The following MYO1E variants were observed in gnomAD, a reference collection of about 807,000 sequenced individuals.
MYO1E encodes the protein myosin IE, also known as unconventional myosin-Ie.
A neutral mutation model predicts 151.1 loss-of-function variants in MYO1E; 68 were observed. The ratio of observed to expected loss-of-function variants is 0.45; its 90% CI spans 0.37 to 0.55. The LOEUF is 0.55. MYO1E is among the 20% of genes least tolerant of loss of function. The pLI is 0.00. For synonymous variants in MYO1E, 601 were observed against 501.7 expected (o/e 1.20, Z -2.64); for missense variants, 1,363 against 1,389.3 (o/e 0.98, Z 0.30).
intron 22 of MYO1E, among the ~76,000 whole-genome samples, chr15:59,168,689 T>C (rs2079575302): frequency 6.6e-6 from 1 of 151,818 alleles, no homozygotes; most frequent in African/African-American, 2.4e-5. Flanking sequence ...GGTATGATCA[T>C]GACTCATTGC....
chr15:59,314,235 T>C (rs1440021965), intron 1 of MYO1E, among the ~76,000 whole-genome samples: 1 of 152,158 alleles, frequency 6.6e-6, no homozygotes, highest in African/African-American at 2.4e-5. Context: ...AGTTTCCCCA[T>C]CCCCTGAATA....
intron 13 of MYO1E, among the ~76,000 whole-genome samples, chr15:59,209,410 G>T (rs2079862391): frequency 6.6e-6 from 1 of 151,596 alleles, no homozygotes; most frequent in Admixed American, 6.6e-5. Context: ...GGGCATGGTG[G>T]CTCATGCCTG....
At chr15:59,250,308 G>C (rs1410780189) in intron 4 of MYO1E, among the ~76,000 whole-genome samples, 1 of 152,130 alleles carries the variant, frequency 6.6e-6, no homozygotes, top group South Asian at 2.1e-4. Context: ...ACAAGCCTTC[G>C]AGAGCAGCTG....
intron 1 of MYO1E, among the ~76,000 whole-genome samples, chr15:59,276,454 C>G (rs148735667): frequency 6.6e-6 from 1 of 152,042 alleles, no homozygotes; most frequent in Non-Finnish European, 1.5e-5. Flanking sequence ...ACGACATGAA[C>G]GTAATAATAA....
intron 1 of MYO1E, among the ~76,000 whole-genome samples, chr15:59,277,123 G>T (rs763975997): frequency 6.6e-6 from 1 of 152,174 alleles, no homozygotes; most frequent in Admixed American, 6.5e-5. Context: ...GTGGGGAGGA[G>T]GTGACCATCA....
intron 1 of MYO1E, among the ~76,000 whole-genome samples, chr15:59,305,854 C>G (rs868178495): frequency 6.6e-6 from 1 of 152,088 alleles, no homozygotes; most frequent in Middle Eastern, 3.2e-3. Context: ...CTAGGACATT[C>G]AAAATTAGGA....
chr15:59,303,565 A>T (rs184124505), intron 1 of MYO1E, among the ~76,000 whole-genome samples: 67 of 152,262 alleles, frequency 4.4e-4, no homozygotes, highest in South Asian at 1.2e-3. Flanking sequence ...GGAAGAAATT[A>T]AAAAAGATAA....
intron 1 of MYO1E, among the ~76,000 whole-genome samples, chr15:59,347,621 G>A (rs1371450827): frequency 6.6e-6 from 1 of 152,090 alleles, no homozygotes; most frequent in Non-Finnish European, 1.5e-5. Context: ...TGTGGTACTA[G>A]CAACTGGTTT....
At chr15:59,239,194 G>C (rs1566989119) in intron 4 of MYO1E, among the ~76,000 whole-genome samples, 2 of 147,902 alleles carry the variant, frequency 1.4e-5, no homozygotes, top group Admixed American at 6.8e-5. Context: ...CAACAAGAAT[G>C]AAACTGTGTC....
chr15:59,148,267 G>C (rs1483357256), intron 26 of MYO1E, among the ~76,000 whole-genome samples: 2 of 152,146 alleles, frequency 1.3e-5, no homozygotes, highest in Non-Finnish European at 2.9e-5. Flanking sequence ...AAAAAGGAAA[G>C]AATGAATGAA....
intron 4 of MYO1E, among the ~76,000 whole-genome samples, chr15:59,245,210 C>T (rs948478723): frequency 5.9e-5 from 9 of 152,182 alleles, no homozygotes; most frequent in Non-Finnish European, 1.0e-4. Flanking sequence ...ACATCAAAGG[C>T]AGGAAGATAG....
chr15:59,277,557 A>ACAACAACAAC (rs879769207), intron 1 of MYO1E, among the ~76,000 whole-genome samples: 3,603 of 46,668 alleles, frequency 0.077, 97 homozygotes, highest in Middle Eastern at 0.23. Flanking sequence ...ACAAAAAAAA[A>ACAACAACAAC]AAAAAAAAAA....
At position 59,350,948 on chromosome 15, in the gene MYO1E, G is replaced by A. The variant is rs1420438374; in HGVS notation, c.3+21550C>T. ...GTCTCGCTCTGTCACCCAGGCTGGC[G>A]TGCAGTGGCGCGATCTCGGCTCAAT... On this transcript the variant is annotated intron_variant, in intron 1 of 27. Transcript: ENST00000288235. This position sits in a 1 kb window ranked among gnomAD's most constrained non-coding sequence, Gnocchi z 5.0. Among the ~76,000 whole-genome samples the A allele has an allele frequency of 2.0e-5, 3 of 152,222 alleles. No homozygotes were observed. The highest frequency in any genetic ancestry group is 6.5e-5 in the Admixed American group (1 of 15,286).
intron 4 of MYO1E, among the ~76,000 whole-genome samples, chr15:59,254,628 A>G (rs1716815168): frequency 1.3e-5 from 2 of 152,210 alleles, no homozygotes; most frequent in South Asian, 4.1e-4. Context: ...GACACATTCT[A>G]CTATTCTTTC....
chr15:59,321,932 G>T (rs896558586), intron 1 of MYO1E, among the ~76,000 whole-genome samples: 2 of 152,014 alleles, frequency 1.3e-5, no homozygotes, highest in Non-Finnish European at 2.9e-5. Context: ...CAGCACTTTG[G>T]GGAGGCCAAG....
chr15:59,153,581 G>A lies in MYO1E; in HGVS notation c.3080+9C>T, dbSNP rs755160871. 1 of 1,613,754 alleles carries A rather than the reference G, an allele frequency of 6.2e-7. No homozygotes were observed. Among genetic ancestry groups the A allele is most frequent in the Non-Finnish European group, 8.5e-7 (1 of 1,179,832 alleles). On this transcript the variant is annotated intron_variant, in intron 26 of 27. Transcript: ENST00000288235. ...TGCCGGCTTCATCCAGAGGATGTGAGAATCTTACCCTGCAGCTCCCTGGTC... is the reference window on the plus strand; with the variant it reads ...TGCCGGCTTCATCCAGAGGATGTGAAAATCTTACCCTGCAGCTCCCTGGTC...
chr15:59,288,038 T>G (rs2080397620), intron 1 of MYO1E, among the ~76,000 whole-genome samples: 1 of 152,248 alleles, frequency 6.6e-6, no homozygotes, highest in East Asian at 1.9e-4. Context: ...AACTGCGTGG[T>G]GCACAGAGGC....
chr15:59,173,507 CTAAA>C (rs1248999694), intron 21 of MYO1E, among the ~76,000 whole-genome samples: 2 of 152,084 alleles, frequency 1.3e-5, no homozygotes, highest in Non-Finnish European at 1.5e-5. Context: ...TTTTGTAAAA[CTAAA>C]TACGCAAATG....
At chr15:59,229,882 A>G (rs2080015892) in intron 6 of MYO1E, among the ~76,000 whole-genome samples, 1 of 152,174 alleles carries the variant, frequency 6.6e-6, no homozygotes, top group Non-Finnish European at 1.5e-5. Context: ...TTAAAAAAAA[A>G]CAAGAACATA....
Sources: allele counts gnomAD v4.1 joint callset (sites outside exome capture counted in the v4.1 genomes callset), GRCh38; gene constraint gnomAD v4.1.1; non-coding constraint Gnocchi (gnomAD v3.1); transcripts MANE v1.5; gene names NCBI Gene and HGNC (gene_info 2026-07-23, HGNC 2026-07-21).